LRRC3B: variants seen among roughly 807,000 people sequenced by gnomAD.
LRRC3B encodes leucine rich repeat containing 3B.
A neutral mutation model predicts 12.8 loss-of-function variants in LRRC3B; 2 were observed. The ratio of observed to expected loss-of-function variants is 0.16; its 90% CI spans 0.06 to 0.49. The LOEUF is 0.49. Among genes scored for constraint, LRRC3B ranks in the 20% least tolerant of loss-of-function variants. LRRC3B has a pLI of 0.96. For synonymous variants in LRRC3B, 132 were observed against 122.0 expected (o/e 1.08, Z -0.54); for missense variants, 189 against 319.4 (o/e 0.59, Z 3.11).
chr3:26,672,533 G>C (rs1258099315), intron 1 of LRRC3B, among the ~76,000 whole-genome samples: 2 of 152,200 alleles, frequency 1.3e-5, no homozygotes, highest in Non-Finnish European at 2.9e-5. Context: ...CTATCATCCT[G>C]TTCCTGAACT....
intron 1 of LRRC3B, among the ~76,000 whole-genome samples, chr3:26,659,879 G>A (rs935963661): frequency 2.0e-5 from 3 of 152,134 alleles, no homozygotes; most frequent in Non-Finnish European, 4.4e-5. Context: ...AACGCCTCCT[G>A]TATTTAGCTC....
intron 1 of LRRC3B, chr3:26,623,869 G>A (rs1698562244): frequency 6.6e-6 from 1 of 152,474 alleles, no homozygotes; most frequent in South Asian, 2.1e-4. Context: ...ATATGGGTGG[G>A]TGAAGTAAGT....
intron 1 of LRRC3B, among the ~76,000 whole-genome samples, chr3:26,693,603 T>C (rs1331641724): frequency 6.6e-6 from 1 of 152,184 alleles, no homozygotes; most frequent in South Asian, 2.1e-4. Context: ...GAAATAGATA[T>C]TATCATGCCC....
intron 1 of LRRC3B, among the ~76,000 whole-genome samples, chr3:26,692,249 G>A (rs1419320357): frequency 6.6e-6 from 1 of 152,166 alleles, no homozygotes; most frequent in African/African-American, 2.4e-5. Flanking sequence ...ACTGAGTAAG[G>A]CAAGGTTAAT....
chr3:26,628,081 C>CT (rs1698668648), intron 1 of LRRC3B, among the ~76,000 whole-genome samples: 2 of 152,098 alleles, frequency 1.3e-5, no homozygotes, highest in African/African-American at 4.8e-5. Context: ...ACTGTGGCTG[C>CT]TAGGTGGTGC....
intron 1 of LRRC3B, among the ~76,000 whole-genome samples, chr3:26,662,983 G>T (rs563474610): frequency 1.3e-5 from 2 of 152,216 alleles, no homozygotes; most frequent in Admixed American, 6.5e-5. Context: ...TGGGAATCAA[G>T]AGATTGAACC....
At chr3:26,660,021 T>G (rs1402165078) in intron 1 of LRRC3B, among the ~76,000 whole-genome samples, 1 of 152,206 alleles carries the variant, frequency 6.6e-6, no homozygotes, top group African/African-American at 2.4e-5. Flanking sequence ...ACCCTCACTT[T>G]GCTTAGAGTT....
In LRRC3B at chr3:26,671,373, T is replaced by TATAGAGAGAGAG. The variant is rs1261897533; in HGVS notation, c.-160-38139_-160-38138insTAGAGAGAGAGA. On this transcript the variant is annotated intron_variant, in intron 1 of 1. Coordinates refer to ENST00000396641, the Ensembl canonical transcript of LRRC3B. ...GTGTATATATATATATATATATATA[T>TATAGAGAGAGAG]AGAGAGAGAGAGAGAGAGAGAGAGA... is the stretch of plus-strand genomic sequence containing the variant. Among the ~76,000 whole-genome samples, 56 of 28,244 alleles carry TATAGAGAGAGAG rather than the reference T, an allele frequency of 2.0e-3. 1 individual carries two copies. The highest frequency in any genetic ancestry group is 0.01 in the East Asian group (4 of 396). The allele number at this position is 28,244 out of a possible 152,430, so 18.5% of individuals were successfully genotyped here.
intron 1 of LRRC3B, among the ~76,000 whole-genome samples, chr3:26,645,902 C>A (rs1041285376): frequency 6.6e-6 from 1 of 152,104 alleles, no homozygotes; most frequent in Non-Finnish European, 1.5e-5. Flanking sequence ...ATTCCCCTAG[C>A]CTTTGAGTTT....
intron 1 of LRRC3B, among the ~76,000 whole-genome samples, chr3:26,671,585 G>A (rs897262486): frequency 1.3e-5 from 2 of 150,882 alleles, no homozygotes; most frequent in African/African-American, 4.9e-5. Context: ...AGTAGAGACG[G>A]GGTTTCGTCA....
chr3:26,674,220 T>C (rs1699811355), intron 1 of LRRC3B, among the ~76,000 whole-genome samples: 2 of 152,358 alleles, frequency 1.3e-5, no homozygotes, highest in African/African-American at 2.4e-5. Context: ...AAGATCCTTC[T>C]GAAGTCTGTG....
At chr3:26,654,873 G>C (rs568098840) in intron 1 of LRRC3B, among the ~76,000 whole-genome samples, 59 of 152,290 alleles carry the variant, frequency 3.9e-4, no homozygotes, top group African/African-American at 1.4e-3. Context: ...TTATAAGCCT[G>C]TGTCATATTA....
At chr3:26,684,419 T>C (rs1001353522) in intron 1 of LRRC3B, among the ~76,000 whole-genome samples, 2 of 152,258 alleles carry the variant, frequency 1.3e-5, no homozygotes, top group Non-Finnish European at 2.9e-5. Context: ...ATCTCCTTTC[T>C]GACAATTTCT....
intron 1 of LRRC3B, among the ~76,000 whole-genome samples, chr3:26,695,985 G>T (rs893644134): frequency 3.9e-5 from 6 of 152,196 alleles, no homozygotes; most frequent in African/African-American, 1.4e-4. Flanking sequence ...CATTTTAAAG[G>T]TATTCCCATT....
At chr3:26,690,284 T>C (rs1450491839) in intron 1 of LRRC3B, among the ~76,000 whole-genome samples, 2 of 152,188 alleles carry the variant, frequency 1.3e-5, no homozygotes, top group Non-Finnish European at 2.9e-5. Context: ...ATTTACATTA[T>C]CTTGTTCTGG....
chr3:26,632,586 G>A (rs1194816574), intron 1 of LRRC3B, among the ~76,000 whole-genome samples: 2 of 152,074 alleles, frequency 1.3e-5, no homozygotes, highest in African/African-American at 2.4e-5. Flanking sequence ...TGGTAGGAAA[G>A]GGGTGATTCA....
chr3:26,679,589 C>G (rs1699928956), intron 1 of LRRC3B, among the ~76,000 whole-genome samples: 1 of 152,222 alleles, frequency 6.6e-6, no homozygotes, highest in Admixed American at 6.5e-5. Flanking sequence ...CTTCTACTAA[C>G]CTTCCTATTT....
chr3:26,651,352 C>G (rs1292802227), intron 1 of LRRC3B, among the ~76,000 whole-genome samples: 1 of 152,174 alleles, frequency 6.6e-6, no homozygotes, highest in Non-Finnish European at 1.5e-5. Context: ...TATTCTCTGC[C>G]TTATTCTCTA....
At chr3:26,685,081 G>A (rs921977794) in intron 1 of LRRC3B, among the ~76,000 whole-genome samples, 14 of 152,100 alleles carry the variant, frequency 9.2e-5, no homozygotes, top group East Asian at 1.9e-4. Context: ...AGCCTCCTGC[G>A]TAGCTGGGAT....
Sources: gnomAD v4.1 joint callset for allele counts (sites outside exome capture counted in the v4.1 genomes callset) on GRCh38, gnomAD v4.1.1 for gene constraint, MANE v1.5 for transcripts, NCBI Gene and HGNC (gene_info 2026-07-23, HGNC 2026-07-21) for gene names.